Variants in BLK observed in about 807,000 individuals in gnomAD.
The protein encoded by BLK is tyrosine-protein kinase Blk.
Under a neutral mutation model 61.8 loss-of-function variants are expected in BLK, and 64 were observed. The ratio of observed to expected loss-of-function variants is 1.03; its 90% CI spans 0.85 to 1.27. The LOEUF is 1.27. BLK is among the 50% of genes most tolerant of loss of function. The probability of loss-of-function intolerance (pLI) is 0.00; values close to 1 mark genes in which losing one functional copy is unlikely to be tolerated. For synonymous variants in BLK, 351 were observed against 272.0 expected (o/e 1.29, Z -2.86); for missense variants, 853 against 660.5 (o/e 1.29, Z -3.19).
chr8:11,520,438 C>T (rs1799398693), intron 1 of BLK, among the ~76,000 whole-genome samples: 1 of 123,818 alleles, frequency 8.1e-6, no homozygotes, highest in Non-Finnish European at 1.6e-5. Flanking sequence ...GATCATGCCA[C>T]ACACTTCCAG....
At chr8:11,507,123 T>A (rs1798802306) in intron 1 of BLK, among the ~76,000 whole-genome samples, 1 of 152,198 alleles carries the variant, frequency 6.6e-6, no homozygotes, top group Admixed American at 6.5e-5. Flanking sequence ...TGATGTTTTT[T>A]CCAACATGCA....
rs1474814179 is a variant in BLK, at chr8:11,494,579, A to C, written c.-14A>C. The C allele has an allele frequency of 4.6e-5, 7 of 152,394 alleles. No homozygotes were observed. Among genetic ancestry groups the C allele is most frequent in the African/African-American group, 1.7e-4 (7 of 41,586 alleles). The allele number at this position is 152,394 out of a possible 1,614,324, so 9.4% of individuals were successfully genotyped here. ...GAAGAGCTATGGTGAAACACCACTG[A>C]AGCATTGCCAAGGTGAGGCCCTGCG... is the stretch of plus-strand genomic sequence containing the variant. On this transcript the variant is annotated 5_prime_UTR_variant, in exon 1 of 13. The change abolishes the stop of an existing upstream ORF in the 5' untranslated region. Coordinates refer to ENST00000259089, the MANE Select transcript of BLK (RefSeq NM_001715.3).
intron 2 of BLK, among the ~76,000 whole-genome samples, chr8:11,544,026 G>A (rs1015408963): frequency 6.6e-6 from 1 of 151,694 alleles, no homozygotes; most frequent in African/African-American, 2.4e-5. Context: ...GCAGTGGTGG[G>A]ACCTTGGCTC....
intron 10 of BLK, among the ~76,000 whole-genome samples, chr8:11,558,313 C>A (rs1801327768): frequency 6.6e-6 from 1 of 152,182 alleles, no homozygotes; most frequent in African/African-American, 2.4e-5. Context: ...CTATTCTGTT[C>A]CGAAGGAAGA....
Position 11,556,850 on chromosome 8 carries a change from G to A in BLK, c.952+13G>A, listed in dbSNP as rs371032034. On this transcript the variant is annotated intron_variant, in intron 9 of 12. Coordinates refer to ENST00000259089, the MANE Select transcript of BLK (RefSeq NM_001715.3). The stretch of plus-strand genomic sequence containing the variant: ...TACATGGCCAGAGGTGGTGCCCCCC[G>A]CAGAGCCGCATCCTCAGAGCGAGGC... The A allele has an allele frequency of 9.5e-5, 153 of 1,612,932 alleles. No homozygotes were observed. The highest frequency in any genetic ancestry group is 1.2e-4 in the Non-Finnish European group (138 of 1,179,362).
At position 11,555,260 on chromosome 8, in the gene BLK, A is replaced by G. The variant is rs979909261; in HGVS notation, c.620-72A>G. ...CTGGGGAGTGGAGGGCCAGCTAGGA[A>G]TGATACAGCTCCCAAGGTAGAGCCT... is the stretch of plus-strand genomic sequence containing the variant. On this transcript the variant is annotated intron_variant, in intron 7 of 12. Transcript: ENST00000259089. 25 of 1,604,702 alleles carry G rather than the reference A, an allele frequency of 1.6e-5. No individual in the cohort carries two copies. The African/African-American group carries it at 2.9e-4, about 19-fold the overall frequency.
At chr8:11,526,258 A>G (rs1017205952) in intron 1 of BLK, among the ~76,000 whole-genome samples, 1 of 152,144 alleles carries the variant, frequency 6.6e-6, no homozygotes, top group African/African-American at 2.4e-5. Flanking sequence ...GCTGTTTTGT[A>G]TCCTAGTGAT....
intron 10 of BLK, 56 bp from the exon 11 acceptor site, chr8:11,561,246 T>G: frequency 6.3e-7 from 1 of 1,585,480 alleles, no homozygotes; most frequent in Non-Finnish European, 8.6e-7. Context: ...CAGTGTGGGC[T>G]CGGTCTTGGC....
intron 11 of BLK, 74 bp from the exon 12 acceptor site, chr8:11,562,905 A>C: frequency 6.3e-7 from 1 of 1,597,554 alleles, no homozygotes; most frequent in East Asian, 2.2e-5. Context: ...CAGCAGGAGC[A>C]GGGGTAGGGG....
In BLK at chr8:11,561,293, T is replaced by C. The variant is rs1288083796; in HGVS notation, c.1030-9T>C. ...CAGGCTGTCCTTCACCATGTGCCTG[T>C]TCCCTCAGATTGCTGAAGGGATGGC... On this transcript the variant is annotated splice_polypyrimidine_tract_variant and intron_variant, in intron 10 of 12. Transcript: ENST00000259089. The C allele has an allele frequency of 1.2e-6, 2 of 1,612,366 alleles. No individual in the cohort carries two copies. Among genetic ancestry groups the C allele is most frequent in the Admixed American group, 3.3e-5 (2 of 59,886 alleles).
chr8:11,516,504 T>C (rs1440673451), intron 1 of BLK, among the ~76,000 whole-genome samples: 1 of 152,168 alleles, frequency 6.6e-6, no homozygotes, highest in Non-Finnish European at 1.5e-5. Context: ...AGAAAGACAA[T>C]CTAGTAGGTC....
chr8:11,495,362 G>C (rs771368526), intron 1 of BLK, among the ~76,000 whole-genome samples: 9 of 152,208 alleles, frequency 5.9e-5, no homozygotes, highest in Non-Finnish European at 1.3e-4. Context: ...TCCCTCGGGA[G>C]AGTGGGACTT....
At chr8:11,559,169 G>A (rs758711896) in intron 10 of BLK, among the ~76,000 whole-genome samples, 4 of 152,114 alleles carry the variant, frequency 2.6e-5, no homozygotes, top group African/African-American at 4.8e-5. Flanking sequence ...AAAAGCCATC[G>A]GAGTTTAATA....
chr8:11,506,076 C>G (rs1798760142), intron 1 of BLK, among the ~76,000 whole-genome samples: 5 of 152,226 alleles, frequency 3.3e-5, no homozygotes, highest in Admixed American at 3.3e-4. Flanking sequence ...GGGCCAGGTG[C>G]CAGGTGCACG....
chr8:11,543,101 G>C (rs1411854295), intron 1 of BLK, 123 bp from the exon 2 acceptor site: 2 of 1,497,270 alleles, frequency 1.3e-6, no homozygotes, highest in South Asian at 1.2e-5. Context: ...TGAGGTCTTT[G>C]CTGCACCCAC....
At chr8:11,535,250 A>AAGGAAAGAAAG in intron 1 of BLK, among the ~76,000 whole-genome samples, 2 of 138,130 alleles carry the variant, frequency 1.4e-5, no homozygotes, top group African/African-American at 5.5e-5. Flanking sequence ...GAAGGAAAGG[A>AAGGAAAGAAAG]AAGAAAGAAA....
At chr8:11,520,656 G>C (rs1473780423) in intron 1 of BLK, among the ~76,000 whole-genome samples, 1 of 152,086 alleles carries the variant, frequency 6.6e-6, no homozygotes, top group Non-Finnish European at 1.5e-5. Flanking sequence ...AGAAGTGAGA[G>C]ACGCCTGCTA....
At chr8:11,505,189 T>C (rs2618466) in intron 1 of BLK, among the ~76,000 whole-genome samples, 18,678 of 152,194 alleles carry the variant, frequency 0.12, 3,122 homozygotes, top group African/African-American at 0.38. Context: ...GCAGCAAAAC[T>C]GAACAAATAA....
At chr8:11,529,791 T>C (rs1054822404) in intron 1 of BLK, among the ~76,000 whole-genome samples, 2 of 152,210 alleles carry the variant, frequency 1.3e-5, no homozygotes, top group African/African-American at 4.8e-5. Flanking sequence ...AGAAGCAAGA[T>C]GCAGTTGGTT....
Sources: allele counts gnomAD v4.1 joint callset (sites outside exome capture counted in the v4.1 genomes callset), GRCh38; gene constraint gnomAD v4.1.1; transcripts MANE v1.5; gene names NCBI Gene and HGNC (gene_info 2026-07-23, HGNC 2026-07-21).